The following CNTNAP2 variants were observed in gnomAD, a reference collection of about 807,000 sequenced individuals.
CNTNAP2 encodes contactin-associated protein-like 2.
CNTNAP2 carries 98 observed loss-of-function variants against 155.2 expected under a neutral mutation model. The observed-to-expected ratio is 0.63, with a 90% confidence interval of 0.54 to 0.75. The LOEUF (loss-of-function observed/expected upper bound fraction) is 0.75. Among genes scored for constraint, CNTNAP2 ranks in the 30% least tolerant of loss-of-function variants. CNTNAP2 has a pLI of 0.00. For missense variants in CNTNAP2, 1,727 were observed against 1,688.1 expected, an observed-to-expected ratio of 1.02 and a Z score of -0.40; for synonymous variants, 651 against 631.2, an observed-to-expected ratio of 1.03 and a Z score of -0.47.
intron 1 of CNTNAP2, among the ~76,000 whole-genome samples, chr7:146,528,639 G>C (rs1797724661): frequency 6.6e-6 from 1 of 152,168 alleles, no homozygotes; most frequent in Admixed American, 6.5e-5. Flanking sequence ...GCCTTAGAAA[G>C]CTATGGCTGT....
chr7:146,535,310 TATATC>T (rs1797847476), intron 1 of CNTNAP2, among the ~76,000 whole-genome samples: 1 of 62,576 alleles, frequency 1.6e-5, no homozygotes, highest in Non-Finnish European at 2.4e-5. Flanking sequence ...TATATGATAT[TATATC>T]ATATATATTA....
At chr7:148,150,087 T>G (rs2116656410) in intron 17 of CNTNAP2, among the ~76,000 whole-genome samples, 2 of 118,420 alleles carry the variant, frequency 1.7e-5, no homozygotes, top group African/African-American at 3.4e-5. Context: ...TCAGGTGAAG[T>G]GAGAGGGGTT....
At chr7:147,136,647 T>C (rs1801486489) in intron 8 of CNTNAP2, among the ~76,000 whole-genome samples, 1 of 151,962 alleles carries the variant, frequency 6.6e-6, no homozygotes, top group South Asian at 2.1e-4. Context: ...TTCTAAGCAA[T>C]TAAAATATCT....
intron 1 of CNTNAP2, among the ~76,000 whole-genome samples, chr7:146,157,338 G>A (rs966726821): frequency 3.9e-5 from 6 of 152,168 alleles, no homozygotes; most frequent in African/African-American, 1.2e-4. Flanking sequence ...CGTGAGCAAC[G>A]CAGAAGATGG....
At chr7:146,332,403 A>G (rs1286457237) in intron 1 of CNTNAP2, among the ~76,000 whole-genome samples, 1 of 152,172 alleles carries the variant, frequency 6.6e-6, no homozygotes, top group Non-Finnish European at 1.5e-5. Flanking sequence ...AGGAAAACTT[A>G]AATTAAATAT....
chr7:147,797,275 TA>T (rs1206926074), intron 13 of CNTNAP2, among the ~76,000 whole-genome samples: 1 of 152,228 alleles, frequency 6.6e-6, no homozygotes, highest in Admixed American at 6.5e-5. Flanking sequence ...TGAATGGTTT[TA>T]GACTTTAGTC....
intron 2 of CNTNAP2, among the ~76,000 whole-genome samples, chr7:146,792,674 C>A (rs376449560): frequency 7.2e-5 from 11 of 152,260 alleles, no homozygotes; most frequent in African/African-American, 2.4e-4. Flanking sequence ...GACAAGGGAA[C>A]GTTTTAGAGA....
intron 1 of CNTNAP2, among the ~76,000 whole-genome samples, chr7:146,365,595 C>G (rs1436542095): frequency 6.6e-6 from 1 of 152,146 alleles, no homozygotes; most frequent in Admixed American, 6.6e-5. Context: ...TGTTTTACAA[C>G]TACTTGTCTA....
At chr7:146,910,331 G>A (rs1241880480) in intron 3 of CNTNAP2, among the ~76,000 whole-genome samples, 80 of 150,258 alleles carry the variant, frequency 5.3e-4, no homozygotes, top group East Asian at 1.5e-3. Context: ...TACCAAAAAA[G>A]AGCCCGCATC....
chr7:148,278,016 A>T (rs1239352352), intron 21 of CNTNAP2, among the ~76,000 whole-genome samples: 1 of 152,200 alleles, frequency 6.6e-6, no homozygotes, highest in African/African-American at 2.4e-5. Flanking sequence ...CGAGAGAACA[A>T]GCCACTCACA....
At chr7:146,809,675 T>C (rs1003916814) in intron 2 of CNTNAP2, among the ~76,000 whole-genome samples, 10 of 152,166 alleles carry the variant, frequency 6.6e-5, no homozygotes, top group Admixed American at 6.5e-4. Context: ...CTGCTGGCCA[T>C]TTGTAAGTCT....
At chr7:147,201,669 C>A (rs1170490562) in intron 8 of CNTNAP2, among the ~76,000 whole-genome samples, 2 of 152,150 alleles carry the variant, frequency 1.3e-5, no homozygotes, top group African/African-American at 4.8e-5. Flanking sequence ...GGAAGATAAA[C>A]TCGGAGAAGC....
intron 14 of CNTNAP2, among the ~76,000 whole-genome samples, chr7:147,919,528 T>G (rs112872096): frequency 0.028 from 3,985 of 140,680 alleles, 406 homozygotes; most frequent in African/African-American, 0.1. Flanking sequence ...GCGCAATCTC[T>G]GCTCACTGCA....
At chr7:147,138,868 A>G (rs1174230217) in intron 8 of CNTNAP2, among the ~76,000 whole-genome samples, 1 of 152,080 alleles carries the variant, frequency 6.6e-6, no homozygotes, top group Non-Finnish European at 1.5e-5. Context: ...CCAAAAAGGC[A>G]ATAAAGTTTT....
chr7:147,832,045 C>T (rs561818968), intron 13 of CNTNAP2, among the ~76,000 whole-genome samples: 1 of 151,166 alleles, frequency 6.6e-6, no homozygotes, highest in Non-Finnish European at 1.5e-5. Context: ...GGAAATATTA[C>T]CTCATCTTAT....
chr7:146,800,796 C>T (rs1050228337), intron 2 of CNTNAP2, among the ~76,000 whole-genome samples: 2 of 151,802 alleles, frequency 1.3e-5, no homozygotes, highest in African/African-American at 4.8e-5. Context: ...ATATAATCTC[C>T]CATAGGATTT....
chr7:147,869,535 A>G (rs1771650037), intron 13 of CNTNAP2, among the ~76,000 whole-genome samples: 1 of 152,256 alleles, frequency 6.6e-6, no homozygotes, highest in South Asian at 2.1e-4. Flanking sequence ...GAGAATCAGC[A>G]CATCACCGTC....
chr7:146,168,379 A>G (rs1798342772), intron 1 of CNTNAP2, among the ~76,000 whole-genome samples: 1 of 152,168 alleles, frequency 6.6e-6, no homozygotes, highest in Non-Finnish European at 1.5e-5. Context: ...TGTATTATAT[A>G]TGAAGGAAAA....
chr7:146,676,209 A>G (rs902298482), intron 1 of CNTNAP2, among the ~76,000 whole-genome samples: 1 of 152,184 alleles, frequency 6.6e-6, no homozygotes, highest in African/African-American at 2.4e-5. Context: ...TTAATGATTT[A>G]ATTGTAATTA....
Sources: allele counts gnomAD v4.1 joint callset (sites outside exome capture counted in the v4.1 genomes callset), GRCh38; gene constraint gnomAD v4.1.1; transcripts MANE v1.5; gene names NCBI Gene and HGNC (gene_info 2026-07-23, HGNC 2026-07-21).